MSL2: variants seen among roughly 807,000 people sequenced by gnomAD.
MSL2 encodes E3 ubiquitin-protein ligase MSL2.
Under a neutral mutation model 35.8 loss-of-function variants are expected in MSL2, and 2 were observed. The ratio of observed to expected loss-of-function variants is 0.06; its 90% confidence interval spans 0.02 to 0.18. The LOEUF (loss-of-function observed/expected upper bound fraction) is 0.18, where lower values mean the gene tolerates loss of function less well. Among genes scored for constraint, MSL2 ranks in the 10% least tolerant of loss-of-function variants. The probability of loss-of-function intolerance (pLI) is 1.00; values close to 1 mark genes in which losing one functional copy is unlikely to be tolerated. For synonymous variants in MSL2, 296 were observed against 255.7 expected, an observed-to-expected ratio of 1.16 and a Z score of -1.50; for missense variants, 523 against 706.7, an observed-to-expected ratio of 0.74 and a Z score of 2.95.
At chr3:136,174,103 A>C (rs780246014) in intron 1 of MSL2, among the ~76,000 whole-genome samples, 1 of 152,232 alleles carries the variant, frequency 6.6e-6, no homozygotes, top group African/African-American at 2.4e-5. Context: ...TAATCACATT[A>C]TATTGTCATT....
chr3:136,174,826 A>G (rs1028632604), intron 1 of MSL2, among the ~76,000 whole-genome samples: 17 of 152,182 alleles, frequency 1.1e-4, no homozygotes, highest in Non-Finnish European at 2.2e-4. Flanking sequence ...AGCATCAGAA[A>G]CCTTAATATG....
In MSL2 at chr3:136,195,161, A is replaced by G; in HGVS notation, c.-48T>C. On this transcript the variant is annotated 5_prime_UTR_variant, in exon 1 of 2. Coordinates refer to ENST00000309993, the MANE Select transcript of MSL2 (RefSeq NM_018133.4). ...GCTCCCGGTTGAAAAGAAATTCCGG[A>G]TCCAACTTAGTAAGCAGCCAGGGAA... is the stretch of plus-strand genomic sequence containing the variant. 1 of 1,568,720 alleles carries G rather than the reference A, an allele frequency of 6.4e-7. No homozygotes were observed. The highest frequency in any genetic ancestry group is 8.6e-7 in the Non-Finnish European group (1 of 1,159,370).
At chr3:136,177,968 T>TC (rs1241413845) in intron 1 of MSL2, among the ~76,000 whole-genome samples, 3 of 152,204 alleles carry the variant, frequency 2.0e-5, no homozygotes, top group Non-Finnish European at 4.4e-5. Flanking sequence ...TATTGAATCA[T>TC]CTTTGGGTAA....
At chr3:136,178,205 A>G (rs934235590) in intron 1 of MSL2, among the ~76,000 whole-genome samples, 4 of 152,244 alleles carry the variant, frequency 2.6e-5, no homozygotes, top group African/African-American at 9.6e-5. Flanking sequence ...AGGCTTTTAT[A>G]GAATGTTTGT....
intron 1 of MSL2, among the ~76,000 whole-genome samples, chr3:136,154,128 T>C (rs972874044): frequency 4.6e-5 from 7 of 150,990 alleles, no homozygotes; most frequent in Non-Finnish European, 1.0e-4. Flanking sequence ...GAGAACTATG[T>C]TCAACTACAT....
chr3:136,153,099 G>A, intron 1 of MSL2: 4 of 962,082 alleles, frequency 4.2e-6, no homozygotes, highest in Non-Finnish European at 4.9e-6. Flanking sequence ...GGATAGCCAG[G>A]TGTGGTGGTG....
intron 1 of MSL2, among the ~76,000 whole-genome samples, chr3:136,182,371 C>T (rs573018797): frequency 1.3e-3 from 195 of 152,310 alleles, no homozygotes; most frequent in Non-Finnish European, 2.4e-3. Flanking sequence ...ACTCTCCTAA[C>T]TGAAATAACT....
At position 136,195,644 on chromosome 3, in the gene MSL2, TC is replaced by T; in HGVS notation, c.-532del. 1 of 980,268 alleles carries T rather than the reference TC, an allele frequency of 1.0e-6. No homozygotes were observed. The highest frequency in any genetic ancestry group is 1.2e-6 in the Non-Finnish European group (1 of 825,126). 60.7% of individuals were successfully genotyped at this position (980,268 alleles called of 1,614,324 possible). A position where few individuals can be genotyped will look rare whatever the true frequency, so the allele number is the denominator to read the frequency against. On this transcript the variant is annotated 5_prime_UTR_variant, in exon 1 of 2. Transcript: ENST00000309993. ...CAAGGACGACGGTCGGGCAGCGGCT[TC>T]CCGGATCTAGTGCAAGACGCCGCGG...
rs1404780851 is a variant in MSL2 at position 136,151,701 on chromosome 3, T to G, written c.1180A>C (p.Thr394Pro). ...AGTACAGTTTTGCTGATTTTAGGTGTTGTGCCTCCATTGGGAACAGTTGCT... is the reference window on the plus strand; with the variant it reads ...AGTACAGTTTTGCTGATTTTAGGTGGTGTGCCTCCATTGGGAACAGTTGCT... ...PIATVPNGGT[T>P]PKISKTVLLS... is the part of the protein sequence containing the mutation. The change falls in exon 2 of 2, where the codon ACA becomes CCA. Residue 394 changes from threonine to proline, a missense_variant. By Grantham distance (38) the Thr-to-Pro change is conservative. Coordinates refer to ENST00000309993, the MANE Select transcript of MSL2 (RefSeq NM_018133.4). The surrounding 1 kb of genome is among the most constrained non-coding windows in gnomAD (Gnocchi z 5.2). 1 of 1,614,074 alleles carries G rather than the reference T, an allele frequency of 6.2e-7. No individual in the cohort carries two copies. Among genetic ancestry groups the G allele is most frequent in the East Asian group, 2.2e-5 (1 of 44,896 alleles).
intron 1 of MSL2, among the ~76,000 whole-genome samples, chr3:136,178,947 C>T (rs143807152): frequency 6.7e-6 from 1 of 149,704 alleles, no homozygotes; most frequent in East Asian, 2.0e-4. Context: ...TCTGAGGATG[C>T]TGCCCAGGAA....
chr3:136,174,338 A>G (rs1480087552), intron 1 of MSL2, among the ~76,000 whole-genome samples: 1 of 152,240 alleles, frequency 6.6e-6, no homozygotes, highest in Admixed American at 6.5e-5. Flanking sequence ...ATAGAGGCTC[A>G]GTCTACTGAT....
In MSL2 at chr3:136,188,385, G is replaced by A. The variant is rs571877022; in HGVS notation, c.142+6587C>T. Among the ~76,000 whole-genome samples the A allele has an allele frequency of 5.3e-5, 8 of 150,082 alleles. No individual in the cohort carries two copies. In the Admixed American group the frequency reaches 5.4e-4, roughly 10 times the overall value. On this transcript the variant is annotated intron_variant, in intron 1 of 1. Coordinates refer to ENST00000309993, the MANE Select transcript of MSL2 (RefSeq NM_018133.4). ...TGAAGCAGAGGTTGCAGTGAGCCGA[G>A]ATCGCACCACTGCAGTCCAGCCTGA...
chr3:136,175,101 T>C (rs1199166534), intron 1 of MSL2, among the ~76,000 whole-genome samples: 1 of 152,040 alleles, frequency 6.6e-6, no homozygotes, highest in African/African-American at 2.4e-5. Flanking sequence ...ATCCCAGCAC[T>C]TTGGGAGGCC....
At position 136,196,274 on chromosome 3, in the gene MSL2, A is replaced by G. The variant is rs1940844866; in HGVS notation, c.-1161T>C. 1 of 152,686 alleles carries G rather than the reference A, an allele frequency of 6.5e-6. No homozygotes were observed. Among genetic ancestry groups the G allele is most frequent in the South Asian group, 2.1e-4 (1 of 4,842 alleles). 9.5% of individuals were successfully genotyped at this position (152,686 alleles called of 1,614,324 possible). A position where few individuals can be genotyped will look rare whatever the true frequency, so the allele number is the denominator to read the frequency against. On this transcript the variant is annotated 5_prime_UTR_variant, in exon 1 of 2. Coordinates refer to ENST00000309993, the MANE Select transcript of MSL2 (RefSeq NM_018133.4). ...ACGACGACCGTTACCCCAACGGGCA[A>G]AGCCACTGTCATCCCCGAGACTCCC...
intron 1 of MSL2, among the ~76,000 whole-genome samples, chr3:136,184,777 G>A (rs772420832): frequency 7.0e-5 from 10 of 143,350 alleles, no homozygotes; most frequent in Non-Finnish European, 1.4e-4. Context: ...AAGGTCACGT[G>A]TGACCAAGGA....
chr3:136,185,528 C>CTTTTTTTTT (rs1296548076), intron 1 of MSL2, among the ~76,000 whole-genome samples: 2 of 74,626 alleles, frequency 2.7e-5, no homozygotes, highest in African/African-American at 4.6e-5. Flanking sequence ...CTCTTTTTTT[C>CTTTTTTTTT]TTTTTTTTTG....
At chr3:136,182,767 CAA>C (rs1940406034) in intron 1 of MSL2, among the ~76,000 whole-genome samples, 2 of 151,844 alleles carry the variant, frequency 1.3e-5, no homozygotes, top group African/African-American at 4.8e-5. Flanking sequence ...AGGTCCCTCT[CAA>C]GTCTTCAGCT....
chr3:136,151,639 A>G lies in MSL2; in HGVS notation c.1242T>C (p.His414=), dbSNP rs781738449. The G allele has an allele frequency of 1.9e-6, 3 of 1,614,168 alleles. No individual in the cohort carries two copies. Among genetic ancestry groups the G allele is most frequent in the South Asian group, 1.1e-5 (1 of 91,074 alleles). The change falls in exon 2 of 2, where the codon CAT becomes CAC. Residue 414 remains histidine (H), a synonymous_variant. Coordinates refer to ENST00000309993, the MANE Select transcript of MSL2 (RefSeq NM_018133.4). This position sits in a 1 kb window ranked among gnomAD's most constrained non-coding sequence, Gnocchi z 5.2. ...STKSMKKSHE[H]GSKKSHSKTK... ...TTTTAGAGTGAGATTTCTTGGATCCATGTTCATGACTCTTTTTCATGCTTT... is the reference window on the plus strand; with the variant it reads ...TTTTAGAGTGAGATTTCTTGGATCCGTGTTCATGACTCTTTTTCATGCTTT...
chr3:136,189,721 C>CAA (rs375444164), intron 1 of MSL2, among the ~76,000 whole-genome samples: 15 of 50,166 alleles, frequency 3.0e-4, no homozygotes, highest in South Asian at 6.3e-4. Context: ...GACGCCGTCT[C>CAA]AAAAAAAAAA....
Sources: gnomAD v4.1 joint callset for allele counts (sites outside exome capture counted in the v4.1 genomes callset) on GRCh38, gnomAD v4.1.1 for gene constraint, Gnocchi (gnomAD v3.1) non-coding constraint, MANE v1.5 for transcripts, NCBI Gene and HGNC (gene_info 2026-07-23, HGNC 2026-07-21) for gene names.